GLI3: variants seen among roughly 807,000 people sequenced by gnomAD.
The protein encoded by GLI3 is GLI family zinc finger 3.
A neutral mutation model predicts 100.8 loss-of-function variants in GLI3; 20 were observed. The observed-to-expected ratio is 0.20, with a 90% CI of 0.14 to 0.29. The LOEUF (loss-of-function observed/expected upper bound fraction) is 0.29, where lower values mean the gene tolerates loss of function less well. GLI3 is among the 10% of genes least tolerant of loss of function. GLI3 has a pLI of 1.00. For missense variants in GLI3, 2,040 were observed against 2,128.5 expected (o/e 0.96, Z 0.82); for synonymous variants, 938 against 860.5 (o/e 1.09, Z -1.58).
chr7:41,965,437 GC>G lies in GLI3; in HGVS notation c.3635del (p.Gly1212AlafsTer18), dbSNP rs1060499558. 1 of 1,607,632 alleles carries G rather than the reference GC, an allele frequency of 6.2e-7. No homozygotes were observed. Among genetic ancestry groups the G allele is most frequent in the Non-Finnish European group, 8.5e-7 (1 of 1,176,862 alleles). On this transcript the variant is annotated frameshift_variant, in exon 15 of 15. Coordinates refer to ENST00000395925, the MANE Select transcript of GLI3 (RefSeq NM_000168.6). LOFTEE classifies it low-confidence loss of function (END_TRUNC). ...TGCTGTTCTCCCCGAGGGTCTGATA[GC>G]CCCCAGCAGGCCCGCTCCTCAAGGG... ...QNPLRSGPAG[G>X]YQTLGENSNP... is the part of the protein sequence containing the mutation.
intron 2 of GLI3, among the ~76,000 whole-genome samples, chr7:42,163,749 T>C (rs1053236976): frequency 2.7e-4 from 41 of 152,260 alleles, no homozygotes; most frequent in African/African-American, 9.6e-4. Context: ...CTCTATTTTT[T>C]ACACATCACA....
intron 4 of GLI3, among the ~76,000 whole-genome samples, chr7:42,049,367 T>C (rs1374917704): frequency 6.6e-6 from 1 of 152,138 alleles, no homozygotes; most frequent in Non-Finnish European, 1.5e-5. Context: ...CAGGTGTGAG[T>C]GCTTGGAAGG....
chr7:42,031,770 C>T (rs1028382934), intron 7 of GLI3, among the ~76,000 whole-genome samples: 1 of 152,142 alleles, frequency 6.6e-6, no homozygotes. Context: ...GATGCAGGGT[C>T]TAAATAAGGA....
chr7:42,251,166 C>T (rs746737959), intron 1 of GLI3, among the ~76,000 whole-genome samples: 3 of 152,186 alleles, frequency 2.0e-5, no homozygotes, highest in Non-Finnish European at 4.4e-5. Flanking sequence ...CTAAGAGGGC[C>T]TCTGGTCCAG....
At chr7:42,198,655 A>C (rs946311496) in intron 2 of GLI3, among the ~76,000 whole-genome samples, 9 of 152,204 alleles carry the variant, frequency 5.9e-5, no homozygotes, top group Non-Finnish European at 1.2e-4. Context: ...AAAGGTATCA[A>C]GACTGTAGAA....
At chr7:42,247,466 G>A (rs910772562) in intron 1 of GLI3, among the ~76,000 whole-genome samples, 2 of 152,166 alleles carry the variant, frequency 1.3e-5, no homozygotes, top group African/African-American at 2.4e-5. Flanking sequence ...CAATTCTTCC[G>A]CAGCTGTAAA....
intron 6 of GLI3, among the ~76,000 whole-genome samples, chr7:42,042,014 T>C (rs546190862): frequency 2.6e-4 from 6 of 22,872 alleles, no homozygotes; most frequent in Admixed American, 7.2e-4. Context: ...AACGATTTCC[T>C]TTTTTTTTTT....
At chr7:42,047,390 A>G (rs767807457) in intron 5 of GLI3, among the ~76,000 whole-genome samples, 9 of 152,212 alleles carry the variant, frequency 5.9e-5, no homozygotes, top group Non-Finnish European at 1.2e-4. Context: ...GAGAATGTGG[A>G]TAGGGCATGG....
chr7:41,977,696 C>G lies in GLI3; in HGVS notation c.1674G>C (p.Ser558=), dbSNP rs758426137. The part of the protein sequence containing the change: ...CTFEGCTKAY[S]RLENLKTHLR... ...AGTGTGTTTTCAAGTTTTCTAGTCTCGAGTAGGCCTTTGTGCAACCTTCAA... is the reference window on the plus strand; with the variant it reads ...AGTGTGTTTTCAAGTTTTCTAGTCTGGAGTAGGCCTTTGTGCAACCTTCAA... Residue 558 remains serine (S), a synonymous_variant, in exon 12 of 15, where the codon TCG becomes TCC. Transcript: ENST00000395925. 3.1e-6 allele frequency: 5 copies of G among 1,613,986 alleles called. No homozygotes were observed. The highest frequency in any genetic ancestry group is 4.2e-6 in the Non-Finnish European group (5 of 1,179,960).
At chr7:42,085,055 G>A (rs566140484) in intron 3 of GLI3, among the ~76,000 whole-genome samples, 2 of 151,808 alleles carry the variant, frequency 1.3e-5, no homozygotes, top group South Asian at 4.2e-4. Flanking sequence ...GGGATTACAG[G>A]TGCCCACCAC....
chr7:42,079,839 C>T (rs1026829839), intron 3 of GLI3, among the ~76,000 whole-genome samples: 5 of 152,140 alleles, frequency 3.3e-5, no homozygotes, highest in African/African-American at 1.2e-4. Flanking sequence ...TGACAAAGTA[C>T]AAAACCACGT....
chr7:42,029,229 C>T (rs775543985), intron 7 of GLI3, among the ~76,000 whole-genome samples: 2 of 152,188 alleles, frequency 1.3e-5, no homozygotes, highest in African/African-American at 2.4e-5. Flanking sequence ...AGGGACTGTG[C>T]GCAGGAAGGC....
intron 1 of GLI3, among the ~76,000 whole-genome samples, chr7:42,263,255 C>T (rs972905158): frequency 6.6e-6 from 1 of 152,142 alleles, no homozygotes; most frequent in African/African-American, 2.4e-5. Context: ...GTTACTGGCA[C>T]TTTCATGTCC....
At position 41,977,484 on chromosome 7, in the gene GLI3, G is replaced by A. The variant is rs148557378; in HGVS notation, c.1812+74C>T. 3.2e-4 allele frequency: 469 copies of A among 1,455,194 alleles called. 3 individuals are homozygous for A. The East Asian group carries it at 9.6e-3, about 30-fold the overall frequency. The allele number at this position is 1,455,194 out of a possible 1,614,324, so 90.1% of individuals were successfully genotyped here. A position where few individuals can be genotyped will look rare whatever the true frequency, so the allele number is the denominator to read the frequency against. On this transcript the variant is annotated intron_variant, in intron 12 of 14. Transcript: ENST00000395925. ...GGGAAAACAAAACAGAACACACTGC[G>A]CCTTCCCATGTGCCTTCCCCGGGAT...
chr7:42,199,383 G>A (rs771663087), intron 2 of GLI3, among the ~76,000 whole-genome samples: 33 of 152,150 alleles, frequency 2.2e-4, no homozygotes, highest in African/African-American at 7.5e-4. Flanking sequence ...TTAAAAGCCC[G>A]TTAGAACTCT....
rs1267005988 is a variant in GLI3, at chr7:42,025,195, C to T, written c.1356+69G>A. On this transcript the variant is annotated intron_variant, in intron 9 of 14. Coordinates refer to ENST00000395925, the MANE Select transcript of GLI3 (RefSeq NM_000168.6). ...AAAGACACCAGGTCTGGGGAGGAAG[C>T]GGGAGCTGACCCAAAGACACCAGTC... The T allele has an allele frequency of 2.6e-5, 26 of 989,296 alleles. No individual in the cohort carries two copies. The South Asian group carries it at 2.9e-4, about 11-fold the overall frequency. The allele number at this position is 989,296 out of a possible 1,614,324, so 61.3% of individuals were successfully genotyped here.
At chr7:42,110,993 C>G (rs1276999621) in intron 3 of GLI3, among the ~76,000 whole-genome samples, 1 of 152,210 alleles carries the variant, frequency 6.6e-6, no homozygotes, top group African/African-American at 2.4e-5. Context: ...AATCCCAACT[C>G]TACCACTAGA....
intron 2 of GLI3, among the ~76,000 whole-genome samples, chr7:42,202,820 C>A (rs1788074365): frequency 1.3e-5 from 2 of 152,198 alleles, no homozygotes; most frequent in South Asian, 4.1e-4. Flanking sequence ...ATAAAACCAC[C>A]ACACCAACCT....
At chr7:42,069,797 T>C (rs1784749937) in intron 4 of GLI3, among the ~76,000 whole-genome samples, 1 of 152,220 alleles carries the variant, frequency 6.6e-6, no homozygotes, top group African/African-American at 2.4e-5. Flanking sequence ...CCACAGATAA[T>C]ACTAAATAAG....
Sources: allele counts gnomAD v4.1 joint callset (sites outside exome capture counted in the v4.1 genomes callset), GRCh38; gene constraint gnomAD v4.1.1; transcripts MANE v1.5; gene names NCBI Gene and HGNC (gene_info 2026-07-23, HGNC 2026-07-21).